The following CCDC124 variants were observed in gnomAD, a reference collection of about 807,000 sequenced individuals.
The protein encoded by CCDC124 is coiled-coil domain-containing protein 124.
A neutral mutation model predicts 19.8 loss-of-function variants in CCDC124; 9 were observed. The observed-to-expected ratio is 0.45, with a 90% CI of 0.27 to 0.79. The LOEUF is 0.79. Ranked by LOEUF, CCDC124 falls within the 30% of genes least tolerant of loss-of-function variation. The pLI is 0.14. For synonymous variants in CCDC124, 126 were observed against 131.3 expected, an observed-to-expected ratio of 0.96 and a Z score of 0.27; for missense variants, 285 against 319.0, an observed-to-expected ratio of 0.89 and a Z score of 0.81.
At chr19:17,938,385 G>T (rs116965202) in intron 2 of CCDC124, among the ~76,000 whole-genome samples, 11 of 152,268 alleles carry the variant, frequency 7.2e-5, no homozygotes, top group Non-Finnish European at 1.5e-4. Context: ...CTTCATTGGT[G>T]TCTGGGTTGT....
chr19:17,940,710 A>T (rs1217624492), intron 2 of CCDC124, among the ~76,000 whole-genome samples: 1 of 145,544 alleles, frequency 6.9e-6, no homozygotes, highest in Non-Finnish European at 1.5e-5. Context: ...AGGTTGCACC[A>T]TTGTACTCCA....
chr19:17,943,790 C>T lies in CCDC124; in HGVS notation c.*75C>T. 2 of 1,452,450 alleles carry T rather than the reference C, an allele frequency of 1.4e-6. No homozygotes were observed. The allele number at this position is 1,452,450 out of a possible 1,614,324, so 90.0% of individuals were successfully genotyped here. ...TCTGCACGCCCTTAGGCCAGGTCAG[C>T]TGCGAGGGTCACAGAGCGTTCCGGG... On this transcript the variant is annotated 3_prime_UTR_variant, in exon 5 of 5. Coordinates refer to ENST00000445755, the MANE Select transcript of CCDC124 (RefSeq NM_001136203.2).
At chr19:17,934,050 A>G (rs2031005837) in intron 1 of CCDC124, among the ~76,000 whole-genome samples, 1 of 149,108 alleles carries the variant, frequency 6.7e-6, no homozygotes, top group Non-Finnish European at 1.5e-5. Context: ...ATTGCCAGGC[A>G]CTGTGGCTCA....
rs533096028 is a variant in CCDC124 at position 17,942,936 on chromosome 19, A to G, written c.349+91A>G. On this transcript the variant is annotated intron_variant, in intron 3 of 4. Transcript: ENST00000445755. This position sits in a 1 kb window ranked among gnomAD's most constrained non-coding sequence, Gnocchi z 4.2. ...ATTAGCCCCCTCCTGGCCCCCAGAG[A>G]AGCTGCCGGGGCTCCACGTGGTGCA... 7.1e-7 allele frequency: 1 copy of G among 1,407,116 alleles called. No homozygotes were observed. Among genetic ancestry groups the G allele is most frequent in the African/African-American group, 1.5e-5 (1 of 68,952 alleles). 87.2% of individuals were successfully genotyped at this position (1,407,116 alleles called of 1,614,324 possible).
chr19:17,939,892 G>T (rs1949423654), intron 2 of CCDC124, among the ~76,000 whole-genome samples: 1 of 150,076 alleles, frequency 6.7e-6, no homozygotes, highest in South Asian at 2.1e-4. Context: ...CAAAGTGCTG[G>T]GATTACAGGT....
chr19:17,937,874 C>T (rs141176578), intron 2 of CCDC124, among the ~76,000 whole-genome samples: 30 of 152,198 alleles, frequency 2.0e-4, no homozygotes, highest in East Asian at 9.7e-4. Flanking sequence ...GCTGGAATTA[C>T]GGGCATGTGC....
chr19:17,935,119 C>G (rs2031031257), intron 1 of CCDC124: 1 of 152,448 alleles, frequency 6.6e-6, no homozygotes, highest in Non-Finnish European at 1.5e-5. Flanking sequence ...GCTATGTTGC[C>G]CAGGCTGGTC....
At chr19:17,941,028 CAG>C (rs1311452814) in intron 2 of CCDC124, among the ~76,000 whole-genome samples, 4 of 151,972 alleles carry the variant, frequency 2.6e-5, no homozygotes, top group Admixed American at 2.0e-4. Context: ...TCCTGGGCGA[CAG>C]AGCAAGGTTC....
Position 17,942,205 on chromosome 19 carries a change from T to C in CCDC124, c.160-451T>C, listed in dbSNP as rs899627242. On this transcript the variant is annotated intron_variant, in intron 2 of 4. Coordinates refer to ENST00000445755, the MANE Select transcript of CCDC124 (RefSeq NM_001136203.2). The surrounding 1 kb of genome is among the most constrained non-coding windows in gnomAD (Gnocchi z 4.2). The stretch of plus-strand genomic sequence containing the variant: ...ACGGGTCCAGGCCTCCCACGGCTCT[T>C]AGAATCCAACATGAACCCCTCCCTG... Among the ~76,000 whole-genome samples, 1 of 152,108 alleles carries C rather than the reference T, an allele frequency of 6.6e-6. No homozygotes were observed. The highest frequency in any genetic ancestry group is 1.5e-5 in the Non-Finnish European group (1 of 67,996).
At chr19:17,941,862 T>C (rs2031189781) in intron 2 of CCDC124, among the ~76,000 whole-genome samples, 1 of 152,048 alleles carries the variant, frequency 6.6e-6, no homozygotes, top group Non-Finnish European at 1.5e-5. Context: ...GAGAGTCAGA[T>C]GGTGGAGTCT....
At position 17,943,725 on chromosome 19, in the gene CCDC124, T is replaced by C. The variant is rs753501844; in HGVS notation, c.*10T>C. 4 of 1,610,946 alleles carry C rather than the reference T, an allele frequency of 2.5e-6. No homozygotes were observed. Among genetic ancestry groups the C allele is most frequent in the Admixed American group, 1.7e-5 (1 of 59,774 alleles). On this transcript the variant is annotated 3_prime_UTR_variant, in exon 5 of 5. Coordinates refer to ENST00000445755, the MANE Select transcript of CCDC124 (RefSeq NM_001136203.2). ...CAATGCCCCCAAGTGAGCCCAGAAC[T>C]TGGGGAGCCAGTTCACCCACGGGTG...
At chr19:17,934,367 AAG>A (rs2031013099) in intron 1 of CCDC124, among the ~76,000 whole-genome samples, 1 of 149,730 alleles carries the variant, frequency 6.7e-6, no homozygotes, top group Non-Finnish European at 1.5e-5. Flanking sequence ...GCCTGGGTGA[AAG>A]AGCAAAACTC....
rs900142910 is a variant in CCDC124, at chr19:17,937,537, C to T, written c.159+958C>T. Among the ~76,000 whole-genome samples, 6 of 151,930 alleles carry T rather than the reference C, an allele frequency of 3.9e-5. No individual in the cohort carries two copies. The South Asian group carries it at 8.3e-4, about 21-fold the overall frequency. On this transcript the variant is annotated intron_variant, in intron 2 of 4. Transcript: ENST00000445755. ...GGAGATGTGTTTGGTTGTCATAACT[C>T]GGGGAGAGGGGGTGTTGCTGGCATA...
Position 17,943,813 on chromosome 19 carries a change from G to A in CCDC124, c.*98G>A. Reference sequence around the variant, plus strand: ...AGCTGCGAGGGTCACAGAGCGTTCCGGGGGCCAAGGCGCCGGGCCCCGGGG... The same window carrying A: ...AGCTGCGAGGGTCACAGAGCGTTCCAGGGGCCAAGGCGCCGGGCCCCGGGG... On this transcript the variant is annotated 3_prime_UTR_variant, in exon 5 of 5. Transcript: ENST00000445755. 4.0e-6 allele frequency: 5 copies of A among 1,252,926 alleles called. No homozygotes were observed. Among genetic ancestry groups the A allele is most frequent in the African/African-American group, 1.5e-5 (1 of 66,730 alleles). The allele number at this position is 1,252,926 out of a possible 1,614,324, so 77.6% of individuals were successfully genotyped here. A position where few individuals can be genotyped will look rare whatever the true frequency, so the allele number is the denominator to read the frequency against.
chr19:17,935,963 G>A (rs1261432853), intron 1 of CCDC124, among the ~76,000 whole-genome samples: 1 of 150,792 alleles, frequency 6.6e-6, no homozygotes, highest in Non-Finnish European at 1.5e-5. Flanking sequence ...GGAGTGCAGT[G>A]GCACGATCTT....
chr19:17,937,473 G>A (rs535132976), intron 2 of CCDC124, among the ~76,000 whole-genome samples: 4 of 152,128 alleles, frequency 2.6e-5, no homozygotes, highest in Non-Finnish European at 5.9e-5. Context: ...CATTCTCACC[G>A]TGGAGCTACT....
At position 17,936,575 on chromosome 19, in the gene CCDC124, G is replaced by A. The variant is rs769896516; in HGVS notation, c.155G>A (p.Arg52His). The A allele has an allele frequency of 2.5e-5, 40 of 1,612,220 alleles. No homozygotes were observed. The highest frequency in any genetic ancestry group is 3.4e-5 in the Admixed American group (2 of 59,678). The part of the protein sequence containing the change: ...DDKHVMRKEQ[R>H]KEEKEKRRLD... ...AAACACGTCATGAGGAAGGAGCAGC[G>A]CAAGGTGCGTGCACTCCGAGTCCCC... is the stretch of plus-strand genomic sequence containing the variant. Residue 52 changes from arginine (R) to histidine (H), a missense_variant, in exon 2 of 5, where the codon CGC becomes CAC. Physicochemically the swap from Arg to His is conservative, Grantham distance 29 (BLOSUM62 0). Transcript: ENST00000445755.
Position 17,933,057 on chromosome 19 carries a change from G to C in CCDC124, c.-12+9G>C, listed in dbSNP as rs571243343. ...GGCGCTGGGGTAAGAAGGTAGGAGC[G>C]TCTGCGGCGCGGGCGGAACCCGGGT... On this transcript the variant is annotated intron_variant, in intron 1 of 4. Transcript: ENST00000445755. 1 of 152,552 alleles carries C rather than the reference G, an allele frequency of 6.6e-6. No homozygotes were observed. Among genetic ancestry groups the C allele is most frequent in the Admixed American group, 6.5e-5 (1 of 15,288 alleles). The allele number at this position is 152,552 out of a possible 1,614,324, so 9.4% of individuals were successfully genotyped here.
In CCDC124 at chr19:17,943,818, C is replaced by A; in HGVS notation, c.*103C>A. 1 of 1,219,062 alleles carries A rather than the reference C, an allele frequency of 8.2e-7. No individual in the cohort carries two copies. The highest frequency in any genetic ancestry group is 1.2e-6 in the Non-Finnish European group (1 of 862,224). 75.5% of individuals were successfully genotyped at this position (1,219,062 alleles called of 1,614,324 possible). ...CGAGGGTCACAGAGCGTTCCGGGGG[C>A]CAAGGCGCCGGGCCCCGGGGCCATG... On this transcript the variant is annotated 3_prime_UTR_variant, in exon 5 of 5. Coordinates refer to ENST00000445755, the MANE Select transcript of CCDC124 (RefSeq NM_001136203.2).
Sources: allele counts gnomAD v4.1 joint callset (sites outside exome capture counted in the v4.1 genomes callset), GRCh38; gene constraint gnomAD v4.1.1; non-coding constraint Gnocchi (gnomAD v3.1); transcripts MANE v1.5; gene names NCBI Gene and HGNC (gene_info 2026-07-23, HGNC 2026-07-21).